The following OSBPL8 variants were observed in gnomAD, a reference collection of about 807,000 sequenced individuals.
OSBPL8 encodes oxysterol-binding protein-related protein 8.
A neutral mutation model predicts 125.5 loss-of-function variants in OSBPL8; 59 were observed. The observed-to-expected ratio is 0.47, with a 90% confidence interval of 0.38 to 0.58. OSBPL8 has a LOEUF of 0.58. Ranked by LOEUF, OSBPL8 falls within the 20% of genes least tolerant of loss-of-function variation. The pLI is 0.00. For synonymous variants in OSBPL8, 330 were observed against 338.9 expected (o/e 0.97, Z 0.29); for missense variants, 758 against 1,047.8 (o/e 0.72, Z 3.82).
At chr12:76,414,450 G>GTTTTTTTTTTTTTT (rs35085467) in intron 4 of OSBPL8, among the ~76,000 whole-genome samples, 2 of 120,492 alleles carry the variant, frequency 1.7e-5, no homozygotes, top group Non-Finnish European at 3.4e-5. Context: ...TATTTTTCTG[G>GTTTTTTTTTTTTTT]TTTTTTTTTT....
chr12:76,370,508 G>C (rs1272298347), intron 19 of OSBPL8, among the ~76,000 whole-genome samples: 1 of 152,122 alleles, frequency 6.6e-6, no homozygotes, highest in Non-Finnish European at 1.5e-5. Context: ...ATAGACATGA[G>C]TCAAGTCCTA....
At chr12:76,515,592 T>C (rs555496898) in intron 1 of OSBPL8, among the ~76,000 whole-genome samples, 1 of 152,288 alleles carries the variant, frequency 6.6e-6, no homozygotes, top group East Asian at 1.9e-4. Context: ...CCTCTTCCCC[T>C]TGAGTGCTGG....
At chr12:76,377,049 G>C (rs1275445019) in intron 16 of OSBPL8, among the ~76,000 whole-genome samples, 1 of 152,082 alleles carries the variant, frequency 6.6e-6, no homozygotes, top group African/African-American at 2.4e-5. Flanking sequence ...TTCTGTGTTA[G>C]TTTGCTGAGA....
chr12:76,458,853 C>A (rs1462368834), intron 3 of OSBPL8, among the ~76,000 whole-genome samples: 1 of 152,112 alleles, frequency 6.6e-6, no homozygotes, highest in Non-Finnish European at 1.5e-5. Flanking sequence ...TCATTCAGTT[C>A]CTTTCCTAGG....
Position 76,380,319 on chromosome 12 carries a change from G to C in OSBPL8, c.1631-1769C>G, listed in dbSNP as rs1479302628. On this transcript the variant is annotated intron_variant, in intron 15 of 23. Coordinates refer to ENST00000261183, the MANE Select transcript of OSBPL8 (RefSeq NM_020841.5). ...TTTAATTTTCCTCAGCAATGTTTTA[G>C]TCTTCAGTATACACGACTTACACAT... is the stretch of plus-strand genomic sequence containing the variant. Among the ~76,000 whole-genome samples, 7 of 151,972 alleles carry C rather than the reference G, an allele frequency of 4.6e-5. No individual in the cohort carries two copies. The East Asian group carries it at 1.4e-3, about 29-fold the overall frequency.
intron 14 of OSBPL8, among the ~76,000 whole-genome samples, chr12:76,384,954 A>G (rs1365701965): frequency 3.3e-5 from 5 of 152,182 alleles, no homozygotes; most frequent in Non-Finnish European, 7.3e-5. Flanking sequence ...CAGTTTTGGC[A>G]CTAATTTTTT....
At chr12:76,477,486 A>C (rs1418236988) in intron 2 of OSBPL8, among the ~76,000 whole-genome samples, 1 of 152,194 alleles carries the variant, frequency 6.6e-6, no homozygotes, top group Admixed American at 6.5e-5. Context: ...AACAAATTCC[A>C]GTTCAGGGAT....
intron 4 of OSBPL8, among the ~76,000 whole-genome samples, chr12:76,415,919 A>T (rs1868598463): frequency 6.6e-6 from 1 of 151,972 alleles, no homozygotes; most frequent in Non-Finnish European, 1.5e-5. Context: ...TGTTCCATTA[A>T]TTCTTAGTCT....
Position 76,487,589 on chromosome 12 carries a change from A to T in OSBPL8, c.-38T>A. The T allele has an allele frequency of 6.5e-7, 1 of 1,542,236 alleles. No individual in the cohort carries two copies. On this transcript the variant is annotated 5_prime_UTR_variant, in exon 2 of 24. Transcript: ENST00000261183. ...TAGGTTTATGCTTCTCTTTCCATTA[A>T]TGTGCAGCCATTCTGTAAATCTGCA...
intron 3 of OSBPL8, 32 bp from the exon 4 acceptor site, chr12:76,451,020 T>C: frequency 1.9e-6 from 3 of 1,600,122 alleles, no homozygotes; most frequent in Non-Finnish European, 2.6e-6. Context: ...TAATTAGTAC[T>C]GAAGTCACAG....
chr12:76,358,675 A>G, intron 22 of OSBPL8, 31 bp downstream of exon 22: 1 of 1,501,494 alleles, frequency 6.7e-7, no homozygotes, highest in Non-Finnish European at 9.3e-7. Flanking sequence ...AAAAAGTTAG[A>G]CTCTCATTAG....
At chr12:76,370,902 T>G (rs542287218) in intron 19 of OSBPL8, among the ~76,000 whole-genome samples, 1 of 152,138 alleles carries the variant, frequency 6.6e-6, no homozygotes, top group Non-Finnish European at 1.5e-5. Context: ...AACAATAAAA[T>G]AGGGAATGTG....
chr12:76,484,367 T>C (rs138591322), intron 2 of OSBPL8, among the ~76,000 whole-genome samples: 1 of 152,342 alleles, frequency 6.6e-6, no homozygotes, highest in East Asian at 1.9e-4. Flanking sequence ...ACTACTCTAG[T>C]GTGGAGCAAT....
intron 1 of OSBPL8, among the ~76,000 whole-genome samples, chr12:76,496,370 A>T (rs1254024786): frequency 1.1e-4 from 15 of 141,998 alleles, no homozygotes; most frequent in African/African-American, 3.1e-4. Flanking sequence ...ATGCTGTGTA[A>T]TTTTTTTTTT....
intron 4 of OSBPL8, among the ~76,000 whole-genome samples, chr12:76,439,217 A>G (rs1306972575): frequency 6.6e-6 from 1 of 152,136 alleles, no homozygotes; most frequent in Middle Eastern, 3.2e-3. Flanking sequence ...CATCTTTACT[A>G]AAAATACAAA....
chr12:76,399,286 C>G (rs541720757), intron 7 of OSBPL8, among the ~76,000 whole-genome samples: 1 of 151,882 alleles, frequency 6.6e-6, no homozygotes, highest in Admixed American at 6.6e-5. Flanking sequence ...CAGAGTCCTA[C>G]GAGATCACTC....
chr12:76,457,615 G>C (rs1187839775), intron 3 of OSBPL8, among the ~76,000 whole-genome samples: 1 of 152,100 alleles, frequency 6.6e-6, no homozygotes, highest in African/African-American at 2.4e-5. Flanking sequence ...CACTTTAAAA[G>C]ATATATGGTC....
chr12:76,517,592 C>T (rs77840684), intron 1 of OSBPL8, among the ~76,000 whole-genome samples: 2,003 of 152,012 alleles, frequency 0.013, 31 homozygotes, highest in African/African-American at 0.041. Context: ...ATCAAAATTC[C>T]GTTATGTACT....
intron 8 of OSBPL8, 83 bp from the exon 9 acceptor site, chr12:76,394,812 A>G: frequency 1.1e-6 from 1 of 907,456 alleles, no homozygotes; most frequent in South Asian, 2.0e-5. Context: ...ATTATCTGTA[A>G]TAATCTAAAT....
Sources: gnomAD v4.1 joint callset for allele counts (sites outside exome capture counted in the v4.1 genomes callset) on GRCh38, gnomAD v4.1.1 for gene constraint, MANE v1.5 for transcripts, NCBI Gene and HGNC (gene_info 2026-07-23, HGNC 2026-07-21) for gene names.